NRXN1: variants seen among roughly 807,000 people sequenced by gnomAD.
NRXN1 encodes the protein neurexin-1.
Under a neutral mutation model 150.9 loss-of-function variants are expected in NRXN1, and 39 were observed. The ratio of observed to expected loss-of-function variants is 0.26; its 90% confidence interval spans 0.20 to 0.34. The LOEUF is 0.34. Ranked by LOEUF, NRXN1 falls within the 10% of genes least tolerant of loss-of-function variation. The probability of loss-of-function intolerance (pLI) is 1.00; values close to 1 mark genes in which losing one functional copy is unlikely to be tolerated. For missense variants in NRXN1, 1,815 were observed against 1,949.9 expected (o/e 0.93, Z 1.30); for synonymous variants, 924 against 757.0 (o/e 1.22, Z -3.62).
chr2:50,089,895 T>C (rs1699335239), intron 19 of NRXN1, among the ~76,000 whole-genome samples: 1 of 152,188 alleles, frequency 6.6e-6, no homozygotes, highest in Non-Finnish European at 1.5e-5. Flanking sequence ...CTATGTAACA[T>C]TGCATGCATA....
Position 50,186,754 on chromosome 2 carries a change from T to C in NRXN1, c.3546+50035A>G, listed in dbSNP as rs145774271. On this transcript the variant is annotated intron_variant, in intron 18 of 22. Transcript: ENST00000401669. ...ACCAGCGGAATTTGTGAGGGTATAA[T>C]ATTCATATATTTTATTGAGGAGATA... Among the ~76,000 whole-genome samples, 339 of 152,156 alleles carry C rather than the reference T, an allele frequency of 2.2e-3. 2 individuals carry two copies. Among genetic ancestry groups the C allele is most frequent in the African/African-American group, 7.9e-3 (330 of 41,540 alleles).
At chr2:50,390,235 G>A (rs2081596375) in intron 17 of NRXN1, among the ~76,000 whole-genome samples, 1 of 151,994 alleles carries the variant, frequency 6.6e-6, no homozygotes, top group African/African-American at 2.4e-5. Flanking sequence ...AGGACAATGG[G>A]GTGTTACAGG....
chr2:50,949,530 A>G (rs1270350940), intron 2 of NRXN1, among the ~76,000 whole-genome samples: 2 of 152,076 alleles, frequency 1.3e-5, no homozygotes, highest in East Asian at 3.9e-4. Flanking sequence ...ATTCTGCTTC[A>G]TCTCTAGAAT....
At chr2:50,673,202 T>C (rs1297567989) in intron 5 of NRXN1, among the ~76,000 whole-genome samples, 4 of 152,094 alleles carry the variant, frequency 2.6e-5, no homozygotes, top group Non-Finnish European at 4.4e-5. Flanking sequence ...TGTATTTCTA[T>C]TTTAGCCCAA....
intron 5 of NRXN1, among the ~76,000 whole-genome samples, chr2:50,700,972 C>T (rs983367456): frequency 1.3e-5 from 2 of 151,964 alleles, no homozygotes; most frequent in East Asian, 3.9e-4. Context: ...GGCCAGGGAT[C>T]AAGATTTTTA....
At chr2:50,544,943 T>C (rs1359827358) in intron 9 of NRXN1, among the ~76,000 whole-genome samples, 1 of 152,164 alleles carries the variant, frequency 6.6e-6, no homozygotes, top group Non-Finnish European at 1.5e-5. Flanking sequence ...AAAAGCTATC[T>C]TTAAGTTTTT....
In NRXN1 at chr2:50,499,239, A is replaced by G. The variant is rs149939285; in HGVS notation, c.2498-1525T>C. ...ACTCCCCTGAACTGTACTTAACCCT[A>G]TTTCATTTTCAAACACTCTTTTTTA... On this transcript the variant is annotated intron_variant, in intron 13 of 22. Coordinates refer to ENST00000401669, the MANE Select transcript of NRXN1 (RefSeq NM_001330078.2). Among the ~76,000 whole-genome samples, 116 of 152,204 alleles carry G rather than the reference A, an allele frequency of 7.6e-4. 2 individuals are homozygous for G. In the East Asian group the frequency reaches 0.02, roughly 26 times the overall value.
chr2:50,514,700 G>T (rs540726353), intron 12 of NRXN1, among the ~76,000 whole-genome samples: 12 of 152,144 alleles, frequency 7.9e-5, no homozygotes, highest in Non-Finnish European at 1.5e-5. Context: ...TTTCAGTAAA[G>T]CTTCATTAAA....
At chr2:50,814,516 CA>C (rs1668656298) in intron 5 of NRXN1, among the ~76,000 whole-genome samples, 1 of 151,856 alleles carries the variant, frequency 6.6e-6, no homozygotes, top group African/African-American at 2.4e-5. Flanking sequence ...CATGGAAGAA[CA>C]AAAAAGAAGA....
intron 17 of NRXN1, among the ~76,000 whole-genome samples, chr2:50,300,763 T>G (rs2074072910): frequency 6.6e-6 from 1 of 152,204 alleles, no homozygotes; most frequent in African/African-American, 2.4e-5. Context: ...TGGCACTATC[T>G]TGGCTCACTG....
intron 18 of NRXN1, among the ~76,000 whole-genome samples, chr2:50,104,573 T>C (rs1036982282): frequency 1.6e-4 from 24 of 152,060 alleles, no homozygotes; most frequent in African/African-American, 4.3e-4. Context: ...ATGATGATGA[T>C]AGCCATCCTT....
chr2:50,509,733 T>C (rs189768344), intron 12 of NRXN1, among the ~76,000 whole-genome samples: 7 of 152,346 alleles, frequency 4.6e-5, no homozygotes, highest in African/African-American at 1.7e-4. Flanking sequence ...TTTCAGGATT[T>C]CCTTTCCTTT....
chr2:50,174,524 C>T (rs2060231465), intron 18 of NRXN1: 1 of 152,152 alleles, frequency 6.6e-6, no homozygotes, highest in Non-Finnish European at 1.5e-5. Flanking sequence ...TCAGATTCAA[C>T]AGCCACTATA....
intron 2 of NRXN1, among the ~76,000 whole-genome samples, chr2:50,961,450 G>T (rs1040037626): frequency 6.6e-6 from 1 of 151,632 alleles, no homozygotes; most frequent in African/African-American, 2.4e-5. Context: ...GTACTATACT[G>T]ACCAAGGCTA....
intron 5 of NRXN1, among the ~76,000 whole-genome samples, chr2:50,763,186 G>A (rs375552640): frequency 2.6e-5 from 4 of 151,996 alleles, no homozygotes; most frequent in Admixed American, 1.3e-4. Context: ...ACTAGTTCCT[G>A]TAATTGACAG....
intron 2 of NRXN1, among the ~76,000 whole-genome samples, chr2:50,942,922 G>T (rs1480033926): frequency 1.3e-5 from 2 of 152,158 alleles, no homozygotes; most frequent in Non-Finnish European, 1.5e-5. Flanking sequence ...ACATGGTTTG[G>T]CTCTGTGTCC....
intron 17 of NRXN1, among the ~76,000 whole-genome samples, chr2:50,425,453 T>C (rs778347620): frequency 6.6e-6 from 1 of 152,174 alleles, no homozygotes; most frequent in Non-Finnish European, 1.5e-5. Flanking sequence ...CTGCAAGTTA[T>C]TGTTTGTGTT....
At chr2:50,214,212 A>T (rs899337559) in intron 18 of NRXN1, among the ~76,000 whole-genome samples, 57 of 152,046 alleles carry the variant, frequency 3.7e-4, no homozygotes, top group Non-Finnish European at 2.7e-4. Context: ...GATAATTTTC[A>T]TCAGGCCAGG....
rs1450083895 is a variant in NRXN1, at chr2:50,133,199, C to T, written c.3547-41705G>A. ...CCCATGTAGCTGGCTTAGGCTTGAA[C>T]TGGCAGGTACCTGACATTCAATGCT... On this transcript the variant is annotated intron_variant, in intron 18 of 22. Transcript: ENST00000401669. 3.3e-5 allele frequency among the ~76,000 whole-genome samples: 5 copies of T among 150,022 alleles called. No homozygotes were observed. In the East Asian group the frequency reaches 1.0e-3, roughly 30 times the overall value.
Sources: gnomAD v4.1 joint callset for allele counts (sites outside exome capture counted in the v4.1 genomes callset) on GRCh38, gnomAD v4.1.1 for gene constraint, MANE v1.5 for transcripts, NCBI Gene and HGNC (gene_info 2026-07-23, HGNC 2026-07-21) for gene names.